The following KLHL4 variants were observed in gnomAD, a reference collection of about 807,000 sequenced individuals.
KLHL4 encodes kelch-like protein 4.
Under a neutral mutation model 45.8 loss-of-function variants are expected in KLHL4, and 17 were observed. The observed-to-expected ratio is 0.37, with a 90% CI of 0.25 to 0.56. The LOEUF (loss-of-function observed/expected upper bound fraction) is 0.56, where lower values mean the gene tolerates loss of function less well. KLHL4 is among the 20% of genes least tolerant of loss of function. The pLI is 0.79. For synonymous variants in KLHL4, 224 were observed against 189.9 expected, an observed-to-expected ratio of 1.18 and a Z score of -1.47; for missense variants, 544 against 544.9, an observed-to-expected ratio of 1.00 and a Z score of 0.02.
intron 9 of KLHL4, among the ~76,000 whole-genome samples, chrX:87,645,879 A>G (rs1923613946): frequency 9.0e-6 from 1 of 110,922 alleles, no homozygotes; most frequent in South Asian, 3.8e-4. Context: ...GAATGATACA[A>G]TGGACTTTGG....
intron 1 of KLHL4, among the ~76,000 whole-genome samples, chrX:87,593,845 C>G (rs981543426): frequency 9.0e-6 from 1 of 111,259 alleles, no homozygotes; most frequent in African/African-American, 3.3e-5. Flanking sequence ...ATCTTCACAG[C>G]CATCACCTTG....
chrX:87,659,286 ATTT>A (rs1379014842), intron 9 of KLHL4, among the ~76,000 whole-genome samples: 1 of 37,464 alleles, frequency 2.7e-5, no homozygotes, highest in African/African-American at 1.4e-4. Flanking sequence ...CACTGGGCTA[ATTT>A]TTGTTATTTC....
intron 6 of KLHL4, among the ~76,000 whole-genome samples, chrX:87,630,755 T>A (rs1459819757): frequency 2.7e-5 from 3 of 111,784 alleles, no homozygotes; most frequent in African/African-American, 6.5e-5. Flanking sequence ...GAATAGAAAA[T>A]ACAATTATAT....
chrX:87,520,911 A>C, intron 1 of KLHL4, among the ~76,000 whole-genome samples: 1 of 112,359 alleles, frequency 8.9e-6, no homozygotes. Flanking sequence ...ATATTATTGC[A>C]TAAGTATACA....
chrX:87,643,312 T>C (rs1273468918), intron 9 of KLHL4, among the ~76,000 whole-genome samples: 1 of 110,854 alleles, frequency 9.0e-6, no homozygotes, highest in Non-Finnish European at 1.9e-5. Context: ...CTAGAAGAGA[T>C]GGCTAAATCT....
rs1923176240 is a variant in KLHL4, at chrX:87,633,816, T to C, written c.1617T>C (p.Thr539=). 1 of 1,207,677 alleles carries C rather than the reference T, an allele frequency of 8.3e-7. No individual in the cohort carries two copies. The highest frequency in any genetic ancestry group is 2.2e-5 in the Admixed American group (1 of 45,905). ...GGHDGWSYLN[T]VERWDPEGRQ... ...ATGATGGATGGAGCTATCTAAATACTGTAGAAAGATGGGACCCTGAGGGAC... is the reference window on the plus strand; with the variant it reads ...ATGATGGATGGAGCTATCTAAATACCGTAGAAAGATGGGACCCTGAGGGAC... The change falls in exon 8 of 11, where the codon ACT becomes ACC. Residue 539 remains threonine, a synonymous_variant. Coordinates refer to ENST00000373119, the MANE Select transcript of KLHL4 (RefSeq NM_019117.5).
chrX:87,633,909 C>G lies in KLHL4; in HGVS notation c.1710C>G (p.Asn570Lys), dbSNP rs1393878079. The part of the protein sequence containing the change: ...RSTVGVVALN[N>K]KLYAIGGRDG... ...CAGTTGGTGTTGTTGCATTAAACAA[C>G]AAGTGAGTAAGTTGAAACACACATG... Residue 570 changes from asparagine to lysine, a missense_variant and splice_region_variant, in exon 8 of 11, where the codon AAC (asparagine) becomes AAG (lysine). Transcript: ENST00000373119. 1.4e-5 allele frequency: 17 copies of G among 1,199,441 alleles called. No individual in the cohort carries two copies. Among genetic ancestry groups the G allele is most frequent in the Non-Finnish European group, 1.9e-5 (17 of 889,224 alleles).
At chrX:87,656,476 T>C (rs1923992909) in intron 9 of KLHL4, among the ~76,000 whole-genome samples, 1 of 108,857 alleles carries the variant, frequency 9.2e-6, no homozygotes, top group Non-Finnish European at 1.9e-5. Flanking sequence ...AGTCTATCGT[T>C]GAAGATTTCA....
chrX:87,531,735 G>T (rs945107784), intron 1 of KLHL4, among the ~76,000 whole-genome samples: 7 of 100,723 alleles, frequency 6.9e-5, no homozygotes, highest in African/African-American at 2.6e-4. Flanking sequence ...ATTCACAATT[G>T]CTTCAAAGAG....
intron 10 of KLHL4, among the ~76,000 whole-genome samples, chrX:87,665,607 A>G (rs1329327159): frequency 8.9e-6 from 1 of 111,971 alleles, no homozygotes; most frequent in Non-Finnish European, 1.9e-5. Context: ...TGATAGCCCT[A>G]GATTTATTCT....
chrX:87,662,273 A>G (rs1388312465), intron 9 of KLHL4, among the ~76,000 whole-genome samples: 1 of 111,769 alleles, frequency 8.9e-6, no homozygotes, highest in African/African-American at 3.2e-5. Context: ...GTGTACAAAT[A>G]TATATCAATT....
At chrX:87,553,084 T>A (rs1312979896) in intron 1 of KLHL4, among the ~76,000 whole-genome samples, 1 of 110,780 alleles carries the variant, frequency 9.0e-6, no homozygotes, top group Non-Finnish European at 1.9e-5. Flanking sequence ...TATGTGCACC[T>A]ACTGTGTATC....
At chrX:87,579,762 A>G (rs1921214588) in intron 1 of KLHL4, among the ~76,000 whole-genome samples, 2 of 112,077 alleles carry the variant, frequency 1.8e-5, no homozygotes, top group Middle Eastern at 4.6e-3. Flanking sequence ...AGGAGAGATA[A>G]AGACATATCT....
chrX:87,525,762 G>T (rs934438414), intron 1 of KLHL4, among the ~76,000 whole-genome samples: 4 of 111,347 alleles, frequency 3.6e-5, no homozygotes, highest in African/African-American at 1.3e-4. Context: ...ACTATCATTT[G>T]CACTGAAAGA....
chrX:87,560,717 C>T (rs1452824475), intron 1 of KLHL4, among the ~76,000 whole-genome samples: 1 of 111,767 alleles, frequency 8.9e-6, no homozygotes, highest in Non-Finnish European at 1.9e-5. Flanking sequence ...CTTGCTGTGA[C>T]TGGCTAATTT....
At chrX:87,652,101 C>T (rs909540209) in intron 9 of KLHL4, among the ~76,000 whole-genome samples, 2 of 112,591 alleles carry the variant, frequency 1.8e-5, no homozygotes, top group Non-Finnish European at 3.8e-5. Flanking sequence ...CCTCCAAAGC[C>T]ACAGCCTGAG....
chrX:87,637,274 G>C (rs1262080706), intron 9 of KLHL4, among the ~76,000 whole-genome samples: 2 of 111,596 alleles, frequency 1.8e-5, no homozygotes, highest in African/African-American at 6.5e-5. Flanking sequence ...CCATCCCTAG[G>C]GGAAAGGGGA....
intron 1 of KLHL4, among the ~76,000 whole-genome samples, chrX:87,547,941 T>G (rs1931720486): frequency 8.9e-6 from 1 of 112,193 alleles, no homozygotes; most frequent in African/African-American, 3.2e-5. Context: ...GTAGAAATTT[T>G]AATCAAAAAG....
At position 87,524,054 on chromosome X, in the gene KLHL4, T is replaced by C. The variant is rs759000454; in HGVS notation, c.422+5739T>C. Among the ~76,000 whole-genome samples, 4 of 111,845 alleles carry C rather than the reference T, an allele frequency of 3.6e-5. No individual in the cohort carries two copies. The East Asian group carries it at 1.1e-3, about 31-fold the overall frequency. On this transcript the variant is annotated intron_variant, in intron 1 of 10. Coordinates refer to ENST00000373119, the MANE Select transcript of KLHL4 (RefSeq NM_019117.5). Reference sequence around the variant, plus strand: ...AATTTCAAATAATTTATGCCAGCACTCTGCCCTCAAAGAGGTCGAGCAGAA... The same window carrying C: ...AATTTCAAATAATTTATGCCAGCACCCTGCCCTCAAAGAGGTCGAGCAGAA...
Sources: allele counts gnomAD v4.1 joint callset (sites outside exome capture counted in the v4.1 genomes callset), GRCh38; gene constraint gnomAD v4.1.1; transcripts MANE v1.5; gene names NCBI Gene and HGNC (gene_info 2026-07-23, HGNC 2026-07-21).